Variants in SCN11A observed in about 807,000 individuals in gnomAD.
SCN11A encodes the protein sodium voltage-gated channel alpha subunit 11, also known as sodium channel protein type 11 subunit alpha.
SCN11A carries 122 observed loss-of-function variants against 162.2 expected under a neutral mutation model. The observed-to-expected ratio is 0.75, with a 90% CI of 0.65 to 0.87. SCN11A has a LOEUF of 0.87. Ranked by LOEUF, SCN11A falls within the 40% of genes least tolerant of loss-of-function variation. The pLI, the probability that SCN11A is intolerant of heterozygous loss-of-function variation, is 0.00. For missense variants in SCN11A, 2,015 were observed against 2,181.6 expected, an observed-to-expected ratio of 0.92 and a Z score of 1.52; for synonymous variants, 758 against 751.5, an observed-to-expected ratio of 1.01 and a Z score of -0.14.
chr3:38,987,685 C>A lies in SCN11A; in HGVS notation c.-279-27262G>T, dbSNP rs550663259. On this transcript the variant is annotated intron_variant, in intron 2 of 29. Transcript: ENST00000302328. ...GGCACTTCAGTGAAGCCTAGTTGAT[C>A]AAATTTGATGAATCTTACCTTAAAA... Among the ~76,000 whole-genome samples the A allele has an allele frequency of 5.9e-5, 9 of 152,252 alleles. No homozygotes were observed. The South Asian group carries it at 1.9e-3, about 32-fold the overall frequency.
intron 2 of SCN11A, among the ~76,000 whole-genome samples, chr3:39,009,765 C>A (rs1218131889): frequency 1.3e-5 from 2 of 150,780 alleles, no homozygotes; most frequent in African/African-American, 4.9e-5. Context: ...CAGCCTTGAC[C>A]TCTAGAACTC....
chr3:38,893,447 T>C (rs545787758), intron 19 of SCN11A, among the ~76,000 whole-genome samples: 1 of 152,222 alleles, frequency 6.6e-6, no homozygotes, highest in East Asian at 1.9e-4. Context: ...TTTTCAGAAA[T>C]GAATGAATAA....
chr3:38,944,347 G>C (rs1331952385), intron 7 of SCN11A, among the ~76,000 whole-genome samples: 1 of 130,242 alleles, frequency 7.7e-6, no homozygotes. Context: ...TTTTTTTTTT[G>C]AGACAGAGTC....
chr3:38,863,062 A>C (rs1264865804), intron 28 of SCN11A, 133 bp downstream of exon 28: 1 of 617,894 alleles, frequency 1.6e-6, no homozygotes, highest in African/African-American at 1.9e-5. Flanking sequence ...AAGTGTTTGA[A>C]TATGTCTTGA....
intron 1 of SCN11A, among the ~76,000 whole-genome samples, chr3:39,038,536 G>A (rs2031963731): frequency 6.6e-6 from 1 of 152,166 alleles, no homozygotes; most frequent in African/African-American, 2.4e-5. Flanking sequence ...TTTCAAAAAA[G>A]TGTTGCCACT....
intron 4 of SCN11A, 46 bp from the exon 5 acceptor site, chr3:38,950,415 G>A: frequency 6.3e-7 from 1 of 1,596,070 alleles, no homozygotes; most frequent in Non-Finnish European, 8.6e-7. Context: ...GCCTCAGGAG[G>A]CGGGAATAAA....
At chr3:38,939,077 A>G (rs1405992529) in intron 7 of SCN11A, among the ~76,000 whole-genome samples, 2 of 152,014 alleles carry the variant, frequency 1.3e-5, no homozygotes, top group African/African-American at 4.8e-5. Context: ...GGAGGCTGAG[A>G]CACAAGAATC....
chr3:38,989,383 T>C (rs902058434), intron 2 of SCN11A, among the ~76,000 whole-genome samples: 1 of 152,162 alleles, frequency 6.6e-6, no homozygotes. Flanking sequence ...TCTGTGAGTA[T>C]ACTAAAATGG....
intron 7 of SCN11A, among the ~76,000 whole-genome samples, chr3:38,932,606 G>C (rs889483915): frequency 2.0e-5 from 3 of 152,228 alleles, no homozygotes; most frequent in Non-Finnish European, 4.4e-5. Context: ...CACCCACGGA[G>C]TCTCGCTGAT....
At chr3:38,849,783 T>C (rs549730506) in intron 29 of SCN11A, 1 of 152,374 alleles carries the variant, frequency 6.6e-6, no homozygotes, top group Non-Finnish European at 1.5e-5. Flanking sequence ...TCTTTTGTAT[T>C]CTTTTATAAG....
At chr3:38,978,243 C>G (rs770846181) in intron 2 of SCN11A, among the ~76,000 whole-genome samples, 1 of 152,156 alleles carries the variant, frequency 6.6e-6, no homozygotes, top group Non-Finnish European at 1.5e-5. Flanking sequence ...CCACTTCTAC[C>G]GAACACCTGT....
intron 18 of SCN11A, 58 bp downstream of exon 18, chr3:38,896,787 C>A: frequency 2.2e-6 from 3 of 1,342,534 alleles, no homozygotes; most frequent in South Asian, 1.9e-5. Context: ...TGAAGTAATG[C>A]ATTTGAGAGG....
At chr3:38,962,361 G>A (rs2066747048) in intron 2 of SCN11A, among the ~76,000 whole-genome samples, 1 of 152,056 alleles carries the variant, frequency 6.6e-6, no homozygotes, top group South Asian at 2.1e-4. Flanking sequence ...CTCTTTTTTG[G>A]ATCCATATGG....
At chr3:38,971,139 T>G (rs1420133857) in intron 2 of SCN11A, among the ~76,000 whole-genome samples, 1 of 151,940 alleles carries the variant, frequency 6.6e-6, no homozygotes, top group African/African-American at 2.4e-5. Flanking sequence ...CACACTCACA[T>G]TTTTTCTTTT....
At chr3:38,856,299 TGGAACAATCCA>T in intron 28 of SCN11A, among the ~76,000 whole-genome samples, 1 of 152,324 alleles carries the variant, frequency 6.6e-6, no homozygotes, top group East Asian at 1.9e-4. Context: ...ACAGCCTGTC[TGGAACAATCCA>T]GGGTGAGTGC....
chr3:38,962,859 TAAAATA>T, intron 2 of SCN11A, among the ~76,000 whole-genome samples: 1 of 150,844 alleles, frequency 6.6e-6, no homozygotes, highest in East Asian at 1.9e-4. Context: ...AAATAAAAAA[TAAAATA>T]ATAATAATAA....
At chr3:38,926,310 T>A (rs1387248259) in intron 8 of SCN11A, among the ~76,000 whole-genome samples, 1 of 152,160 alleles carries the variant, frequency 6.6e-6, no homozygotes, top group East Asian at 1.9e-4. Context: ...GGAGTAAAGC[T>A]CTTTGTAACC....
chr3:38,907,347 TATCTATATATACACACACACACAC>T (rs1370979686), intron 14 of SCN11A, among the ~76,000 whole-genome samples: 1 of 50,108 alleles, frequency 2.0e-5, no homozygotes, highest in African/African-American at 4.6e-5. Context: ...TGTGTGTATA[TATCTATATATACACACACACACAC>T]ACACACACAC....
Position 38,990,744 on chromosome 3 carries a change from C to T in SCN11A, c.-279-30321G>A, listed in dbSNP as rs181702440. 2.0e-5 allele frequency among the ~76,000 whole-genome samples: 3 copies of T among 152,246 alleles called. No homozygotes were observed. In the East Asian group the frequency reaches 5.8e-4, roughly 29 times the overall value. Reference sequence around the variant, plus strand: ...GAGTCTGCTTCCAATCCCCTTTTCACAGATGAGAAAATCATGGCATGAAAA... The same window carrying T: ...GAGTCTGCTTCCAATCCCCTTTTCATAGATGAGAAAATCATGGCATGAAAA... On this transcript the variant is annotated intron_variant, in intron 2 of 29. Transcript: ENST00000302328.
Sources: gnomAD v4.1 joint callset for allele counts (sites outside exome capture counted in the v4.1 genomes callset) on GRCh38, gnomAD v4.1.1 for gene constraint, MANE v1.5 for transcripts, NCBI Gene and HGNC (gene_info 2026-07-23, HGNC 2026-07-21) for gene names.